The following ARHGAP12 variants were observed in gnomAD, a reference collection of about 807,000 sequenced individuals.
ARHGAP12 encodes the protein rho GTPase-activating protein 12.
Under a neutral mutation model 108.6 loss-of-function variants are expected in ARHGAP12, and 64 were observed. That is an observed-to-expected ratio of 0.59 (90% CI 0.48 to 0.73). The LOEUF is 0.73. ARHGAP12 is among the 30% of genes least tolerant of loss of function. The probability of loss-of-function intolerance (pLI) is 0.00; values close to 1 mark genes in which losing one functional copy is unlikely to be tolerated. For synonymous variants in ARHGAP12, 312 were observed against 337.2 expected (o/e 0.93, Z 0.82); for missense variants, 940 against 1,005.9 (o/e 0.93, Z 0.89).
At chr10:31,844,555 C>G (rs1205723114) in intron 6 of ARHGAP12, among the ~76,000 whole-genome samples, 1 of 152,112 alleles carries the variant, frequency 6.6e-6, no homozygotes, top group Non-Finnish European at 1.5e-5. Context: ...TTTGTTGAGA[C>G]AGGGTCCCTC....
chr10:31,925,690 A>G (rs1198451650), intron 1 of ARHGAP12, among the ~76,000 whole-genome samples: 1 of 152,188 alleles, frequency 6.6e-6, no homozygotes, highest in East Asian at 1.9e-4. Flanking sequence ...TAAAATTTAC[A>G]TTCTCAAGGA....
chr10:31,854,857 G>A (rs953734962), intron 4 of ARHGAP12, among the ~76,000 whole-genome samples: 2 of 150,766 alleles, frequency 1.3e-5, no homozygotes, highest in Non-Finnish European at 2.9e-5. Flanking sequence ...GGCCAGGAAC[G>A]GTGGCTCACG....
chr10:31,877,780 T>A (rs893886225), intron 3 of ARHGAP12, among the ~76,000 whole-genome samples: 1 of 152,158 alleles, frequency 6.6e-6, no homozygotes. Flanking sequence ...AGGAAGATAT[T>A]TAGCAGATAA....
intron 7 of ARHGAP12, 68 bp from the exon 8 acceptor site, chr10:31,839,779 G>C (rs1172685067): frequency 9.3e-6 from 12 of 1,291,462 alleles, no homozygotes; most frequent in African/African-American, 1.5e-5. Context: ...TCTACTCACA[G>C]TGGGAGAGCT....
At position 31,859,097 on chromosome 10, in the gene ARHGAP12, G is replaced by A. The variant is rs74127857; in HGVS notation, c.948+2298C>T. 3.5e-3 allele frequency among the ~76,000 whole-genome samples: 528 copies of A among 152,276 alleles called. 2 individuals carry two copies. Among genetic ancestry groups the A allele is most frequent in the African/African-American group, 0.012 (515 of 41,540 alleles). ...CCATCCCTACCCCAGCAGACATATG[G>A]AGAGTTATTCCCTCTGAGAAGGGAA... On this transcript the variant is annotated intron_variant, in intron 4 of 19. Coordinates refer to ENST00000344936, the MANE Select transcript of ARHGAP12 (RefSeq NM_018287.7).
intron 13 of ARHGAP12, 98 bp from the exon 14 acceptor site, chr10:31,814,459 C>T (rs1444013471): frequency 1.0e-6 from 1 of 1,004,718 alleles, no homozygotes; most frequent in South Asian, 1.4e-5. Flanking sequence ...ATGACTCTTC[C>T]AAACAATTTT....
intron 11 of ARHGAP12, among the ~76,000 whole-genome samples, chr10:31,823,026 G>A (rs781188248): frequency 9.9e-5 from 15 of 152,074 alleles, no homozygotes; most frequent in Non-Finnish European, 2.1e-4. Context: ...ATATTTATGG[G>A]TTGATTTTTT....
intron 3 of ARHGAP12, among the ~76,000 whole-genome samples, chr10:31,887,543 G>A (rs1838232773): frequency 6.6e-6 from 1 of 152,028 alleles, no homozygotes; most frequent in South Asian, 2.1e-4. Flanking sequence ...AGGGTTGTTT[G>A]GCAAAGATCA....
At chr10:31,859,309 C>A (rs537155788) in intron 4 of ARHGAP12, among the ~76,000 whole-genome samples, 21 of 152,274 alleles carry the variant, frequency 1.4e-4, no homozygotes, top group South Asian at 1.0e-3. Context: ...AAAGGAAAGA[C>A]CTAATGGGTC....
At chr10:31,813,966 A>G (rs1301082962) in intron 14 of ARHGAP12, among the ~76,000 whole-genome samples, 2 of 152,232 alleles carry the variant, frequency 1.3e-5, no homozygotes, top group African/African-American at 2.4e-5. Context: ...AAATCAATGA[A>G]GTTCAGCTTC....
At chr10:31,837,502 A>C (rs775043767) in intron 9 of ARHGAP12, among the ~76,000 whole-genome samples, 2 of 152,230 alleles carry the variant, frequency 1.3e-5, no homozygotes, top group Admixed American at 6.5e-5. Flanking sequence ...TAGTGACTTG[A>C]GAGTTCAGAT....
rs951674177 is a variant in ARHGAP12, at chr10:31,909,599, A to G, written c.-71-673T>C. On this transcript the variant is annotated intron_variant, in intron 2 of 19. Transcript: ENST00000344936. ...CCAAAATCCAATGACTGGTGCCTTT[A>G]TAAGTAGAGGGAGATTAAGGGCACA... 3.9e-5 allele frequency among the ~76,000 whole-genome samples: 6 copies of G among 152,184 alleles called. No homozygotes were observed. The East Asian group carries it at 7.7e-4, about 20-fold the overall frequency.
At chr10:31,864,801 G>A (rs1188418041) in intron 3 of ARHGAP12, among the ~76,000 whole-genome samples, 2 of 152,128 alleles carry the variant, frequency 1.3e-5, no homozygotes, top group Admixed American at 1.3e-4. Flanking sequence ...TAGGTGATTA[G>A]GCTACAAATT....
chr10:31,851,617 C>T (rs1361203295), intron 6 of ARHGAP12, among the ~76,000 whole-genome samples: 2 of 152,060 alleles, frequency 1.3e-5, no homozygotes, highest in Admixed American at 1.3e-4. Flanking sequence ...CCATATCAAG[C>T]CTTAGAATTT....
intron 7 of ARHGAP12, among the ~76,000 whole-genome samples, chr10:31,839,946 T>C (rs1226089484): frequency 6.6e-6 from 1 of 152,126 alleles, no homozygotes; most frequent in African/African-American, 2.4e-5. Flanking sequence ...ATAATGCATA[T>C]GGAATTACTC....
chr10:31,870,518 C>A (rs989566400), intron 3 of ARHGAP12, among the ~76,000 whole-genome samples: 2 of 151,958 alleles, frequency 1.3e-5, no homozygotes, highest in Admixed American at 1.3e-4. Flanking sequence ...GCTGAGCCAC[C>A]GGACCCAGCC....
Position 31,885,634 on chromosome 10 carries a change from C to T in ARHGAP12, c.684+22538G>A, listed in dbSNP as rs1838160592. Among the ~76,000 whole-genome samples, 3 of 151,988 alleles carry T rather than the reference C, an allele frequency of 2.0e-5. No individual in the cohort carries two copies. In the South Asian group the frequency reaches 6.2e-4, roughly 32 times the overall value. ...TGGAGTTCAAGACCAGCCTGGCCAA[C>T]ATGGCAAAATCCCATCTCTACTAAA... On this transcript the variant is annotated intron_variant, in intron 3 of 19. Coordinates refer to ENST00000344936, the MANE Select transcript of ARHGAP12 (RefSeq NM_018287.7).
chr10:31,905,280 G>C (rs1450621992), intron 3 of ARHGAP12, among the ~76,000 whole-genome samples: 1 of 151,952 alleles, frequency 6.6e-6, no homozygotes, highest in East Asian at 1.9e-4. Context: ...CTTGTTTTTA[G>C]AGACGAGGTC....
At chr10:31,918,884 GTA>G (rs1408564446) in intron 1 of ARHGAP12, among the ~76,000 whole-genome samples, 1 of 152,150 alleles carries the variant, frequency 6.6e-6, no homozygotes, top group East Asian at 1.9e-4. Context: ...CCACTTCTGG[GTA>G]TACACCCACA....
Sources: gnomAD v4.1 joint callset for allele counts (sites outside exome capture counted in the v4.1 genomes callset) on GRCh38, gnomAD v4.1.1 for gene constraint, MANE v1.5 for transcripts, NCBI Gene and HGNC (gene_info 2026-07-23, HGNC 2026-07-21) for gene names.